The following UBE2E3 variants were observed in gnomAD, a reference collection of about 807,000 sequenced individuals.
UBE2E3 encodes the protein ubiquitin-conjugating enzyme E2 E3.
UBE2E3 carries 5 observed loss-of-function variants against 23.6 expected under a neutral mutation model. That is an observed-to-expected ratio of 0.21 (90% CI 0.11 to 0.44). The LOEUF is 0.44. Ranked by LOEUF, UBE2E3 falls within the 20% of genes least tolerant of loss-of-function variation. The pLI is 0.99. For synonymous variants in UBE2E3, 78 were observed against 87.5 expected (o/e 0.89, Z 0.60); for missense variants, 81 against 249.8 (o/e 0.32, Z 4.55).
rs371103691 is a variant in UBE2E3 at position 180,984,037 on chromosome 2, T to A, written c.195-6T>A. On this transcript the variant is annotated splice_region_variant and splice_polypyrimidine_tract_variant and intron_variant, in intron 2 of 5. Transcript: ENST00000410062. ...TCCTTTTTGTCTCTTCTCATTTCAC[T>A]AACAGAATTCAGAAGGAGCTAGCTG... 4 of 1,610,316 alleles carry A rather than the reference T, an allele frequency of 2.5e-6. No individual in the cohort carries two copies. The highest frequency in any genetic ancestry group is 1.7e-6 in the Non-Finnish European group (2 of 1,177,344).
intron 3 of UBE2E3, among the ~76,000 whole-genome samples, chr2:181,030,229 T>G (rs1686033859): frequency 6.6e-6 from 1 of 152,146 alleles, no homozygotes. Flanking sequence ...AATGAATACT[T>G]TATCTACTAA....
intron 3 of UBE2E3, among the ~76,000 whole-genome samples, chr2:180,988,346 T>C (rs1001825264): frequency 6.6e-6 from 1 of 152,160 alleles, no homozygotes; most frequent in African/African-American, 2.4e-5. Context: ...TTAATGTCAG[T>C]AAAAGCAGTT....
At position 181,061,421 on chromosome 2, in the gene UBE2E3, C is replaced by G. The variant is rs1342999961; in HGVS notation, c.526+609C>G. Among the ~76,000 whole-genome samples, 3 of 150,248 alleles carry G rather than the reference C, an allele frequency of 2.0e-5. 1 individual carries two copies. Among genetic ancestry groups the G allele is most frequent in the African/African-American group, 7.3e-5 (3 of 40,858 alleles). ...TACAGGCGTGAGCCACCGCGCCCGGCCGACCACTTCTAACAAGAGTAAAGC... is the reference window on the plus strand; with the variant it reads ...TACAGGCGTGAGCCACCGCGCCCGGGCGACCACTTCTAACAAGAGTAAAGC... On this transcript the variant is annotated intron_variant, in intron 5 of 5. Coordinates refer to ENST00000410062, the MANE Select transcript of UBE2E3 (RefSeq NM_006357.4).
In UBE2E3 at chr2:181,057,693, T is replaced by C; in HGVS notation, c.246T>C (p.Ser82=). 1 of 1,606,504 alleles carries C rather than the reference T, an allele frequency of 6.2e-7. No homozygotes were observed. Among genetic ancestry groups the C allele is most frequent in the East Asian group, 2.2e-5 (1 of 44,698 alleles). The change falls in exon 4 of 6, where the codon AGT becomes AGC. Residue 82 remains serine, a splice_region_variant and synonymous_variant. Transcript: ENST00000410062. Reference sequence around the variant, plus strand: ...CTGATTTTTAATTTCTTTTAAATAGTGCTGGGCCTAAAGGAGATAACATTT... The same window carrying C: ...CTGATTTTTAATTTCTTTTAAATAGCGCTGGGCCTAAAGGAGATAACATTT... ...EITLDPPPNC[S]AGPKGDNIYE...
At chr2:180,987,357 C>T in intron 3 of UBE2E3, 1 of 1,549,996 alleles carries the variant, frequency 6.5e-7, no homozygotes, top group Non-Finnish European at 8.7e-7. Flanking sequence ...TTGTCCTCTC[C>T]TAGTCACCAC....
intron 3 of UBE2E3, among the ~76,000 whole-genome samples, chr2:181,049,783 G>A (rs938231454): frequency 6.6e-6 from 1 of 151,928 alleles, no homozygotes; most frequent in African/African-American, 2.4e-5. Context: ...ATTCTTCAAT[G>A]AAGATGGTTT....
intron 3 of UBE2E3, among the ~76,000 whole-genome samples, chr2:181,042,438 C>T (rs941833642): frequency 1.3e-5 from 2 of 152,130 alleles, no homozygotes; most frequent in African/African-American, 4.8e-5. Flanking sequence ...GGAGAAGTCC[C>T]TTTTGGAATT....
intron 3 of UBE2E3, among the ~76,000 whole-genome samples, chr2:180,997,198 C>T (rs1242194020): frequency 1.3e-5 from 2 of 151,430 alleles, no homozygotes; most frequent in Non-Finnish European, 2.9e-5. Flanking sequence ...TTAATTCTTT[C>T]ATCTTTTTCT....
chr2:180,989,982 A>C (rs10197957), intron 3 of UBE2E3: 4 of 1,534,138 alleles, frequency 2.6e-6, no homozygotes, highest in African/African-American at 1.4e-5. Context: ...AGATAAAAAC[A>C]TAATAAAATC....
At chr2:180,998,304 A>G (rs970640368) in intron 3 of UBE2E3, among the ~76,000 whole-genome samples, 1 of 152,138 alleles carries the variant, frequency 6.6e-6, no homozygotes, top group Admixed American at 6.5e-5. Context: ...ATAATCAACA[A>G]TTACCCAAAG....
intron 3 of UBE2E3, among the ~76,000 whole-genome samples, chr2:181,032,460 A>G (rs1334060490): frequency 6.6e-6 from 1 of 152,216 alleles, no homozygotes; most frequent in Admixed American, 6.5e-5. Context: ...TGTAGTAGAT[A>G]GCGTGGATAA....
At chr2:180,997,410 A>G (rs1238978435) in intron 3 of UBE2E3, among the ~76,000 whole-genome samples, 2 of 151,344 alleles carry the variant, frequency 1.3e-5, no homozygotes, top group Admixed American at 6.6e-5. Flanking sequence ...TTGTATGCGC[A>G]TGTTCTCTTC....
rs933128417 is a variant in UBE2E3, at chr2:181,017,230, T to G, written c.245+33137T>G. 6.8e-4 allele frequency among the ~76,000 whole-genome samples: 104 copies of G among 152,100 alleles called. 5 individuals carry two copies. Among genetic ancestry groups the G allele is most frequent in the Non-Finnish European group, 5.9e-5 (4 of 68,024 alleles). On this transcript the variant is annotated intron_variant, in intron 3 of 5. Coordinates refer to ENST00000410062, the MANE Select transcript of UBE2E3 (RefSeq NM_006357.4). The stretch of plus-strand genomic sequence containing the variant: ...TGGAAGAATCACAGGGGCTGGAAGT[T>G]TACATTAAAGTGGGATACAGTGGTC...
intron 3 of UBE2E3, among the ~76,000 whole-genome samples, chr2:181,024,566 T>C (rs62180153): frequency 0.23 from 35,279 of 152,002 alleles, 4,461 homozygotes; most frequent in Non-Finnish European, 0.28. Flanking sequence ...TTTTAATATA[T>C]GTGATTATTA....
chr2:181,001,915 G>A (rs1443095112), intron 3 of UBE2E3, among the ~76,000 whole-genome samples: 2 of 152,026 alleles, frequency 1.3e-5, no homozygotes, highest in Non-Finnish European at 2.9e-5. Context: ...TTACTATTAA[G>A]TATTTGTTGA....
intron 3 of UBE2E3, among the ~76,000 whole-genome samples, chr2:181,020,854 C>CTAGTGA (rs1685649309): frequency 6.6e-6 from 1 of 152,102 alleles, no homozygotes; most frequent in African/African-American, 2.4e-5. Flanking sequence ...ATGGGTAAAT[C>CTAGTGA]TAGTGATATG....
In UBE2E3 at chr2:181,051,076, C is replaced by T. The variant is rs147359299; in HGVS notation, c.246-6617C>T. ...TTCCGGCCCAGAGGCAATAACTATC[C>T]TGTATTTTTGGTCCATGATTTCTGC... On this transcript the variant is annotated intron_variant, in intron 3 of 5. Coordinates refer to ENST00000410062, the MANE Select transcript of UBE2E3 (RefSeq NM_006357.4). Among the ~76,000 whole-genome samples, 152 of 151,888 alleles carry T rather than the reference C, an allele frequency of 1.0e-3. No homozygotes were observed. The East Asian group carries it at 0.027, about 27-fold the overall frequency.
chr2:180,987,191 T>C, intron 3 of UBE2E3: 1 of 901,498 alleles, frequency 1.1e-6, no homozygotes, highest in Non-Finnish European at 1.6e-6. Context: ...TTATGCTGTT[T>C]ACATAAAGTA....
At chr2:181,045,894 A>G (rs567115939) in intron 3 of UBE2E3, among the ~76,000 whole-genome samples, 31 of 152,234 alleles carry the variant, frequency 2.0e-4, no homozygotes, top group Middle Eastern at 3.4e-3. Flanking sequence ...AAAAAAGACA[A>G]CAATCAATTT....
Sources: allele counts gnomAD v4.1 joint callset (sites outside exome capture counted in the v4.1 genomes callset), GRCh38; gene constraint gnomAD v4.1.1; transcripts MANE v1.5; gene names NCBI Gene and HGNC (gene_info 2026-07-23, HGNC 2026-07-21).